FNBP4: variants seen among roughly 807,000 people sequenced by gnomAD.
FNBP4 encodes formin-binding protein 4.
A neutral mutation model predicts 119.3 loss-of-function variants in FNBP4; 34 were observed. That is an observed-to-expected ratio of 0.28 (90% confidence interval 0.22 to 0.38). The LOEUF (loss-of-function observed/expected upper bound fraction) is 0.38. FNBP4 is among the 10% of genes least tolerant of loss of function. The pLI is 1.00. For synonymous variants in FNBP4, 462 were observed against 430.6 expected (o/e 1.07, Z -0.90); for missense variants, 1,112 against 1,228.9 (o/e 0.90, Z 1.42).
chr11:47,765,498 A>T (rs1453700995), intron 1 of FNBP4, 136 bp from the exon 2 acceptor site: 1 of 459,450 alleles, frequency 2.2e-6, no homozygotes, highest in Non-Finnish European at 3.7e-6. Flanking sequence ...TCTAGATTCC[A>T]TCAATTTTTT....
intron 3 of FNBP4, 73 bp downstream of exon 3, chr11:47,754,455 T>TTA: frequency 6.7e-6 from 10 of 1,484,574 alleles, no homozygotes; most frequent in Non-Finnish European, 9.3e-6. Context: ...AACTGACAAG[T>TTA]ACGCTGACCA....
intron 12 of FNBP4, among the ~76,000 whole-genome samples, chr11:47,727,587 A>G (rs549330951): frequency 6.6e-6 from 1 of 152,190 alleles, no homozygotes; most frequent in Admixed American, 6.5e-5. Flanking sequence ...CTCACATACA[A>G]TGTGTCTCCC....
intron 9 of FNBP4, among the ~76,000 whole-genome samples, chr11:47,735,690 G>A (rs1303418749): frequency 1.3e-5 from 2 of 152,110 alleles, no homozygotes; most frequent in Non-Finnish European, 2.9e-5. Context: ...ACTTAAATAT[G>A]ATCTTTTCAC....
chr11:47,766,306 C>G (rs1430557353), intron 1 of FNBP4, among the ~76,000 whole-genome samples: 2 of 152,090 alleles, frequency 1.3e-5, no homozygotes, highest in African/African-American at 4.8e-5. Flanking sequence ...CAGATTGAGA[C>G]ATTGTCTCGA....
intron 13 of FNBP4, 122 bp from the exon 14 acceptor site, chr11:47,724,294 C>A: frequency 1.3e-6 from 2 of 1,509,192 alleles, no homozygotes; most frequent in Admixed American, 1.9e-5. Flanking sequence ...GAGATCATGA[C>A]TCATTGCAGC....
At position 47,754,652 on chromosome 11, in the gene FNBP4, A is replaced by G; in HGVS notation, c.326T>C (p.Leu109Ser). 2.5e-6 allele frequency: 4 copies of G among 1,613,912 alleles called. No individual in the cohort carries two copies. Among genetic ancestry groups the G allele is most frequent in the Non-Finnish European group, 3.4e-6 (4 of 1,179,982 alleles). Reference sequence around the variant, plus strand: ...ATCACTGTCAGCATAAGCACCAAGCAAGCATAGACCGCCTAGAAACAAAAA... The same window carrying G: ...ATCACTGTCAGCATAAGCACCAAGCGAGCATAGACCGCCTAGAAACAAAAA... The part of the protein sequence containing the change: ...TAVKATGGLC[L>S]LGAYADSDDD... Residue 109 changes from leucine (L) to serine (S), a missense_variant, in exon 3 of 17, where the codon TTG (leucine) becomes TCG (serine). Physicochemically the swap from Leu to Ser is moderately radical, Grantham distance 145. Transcript: ENST00000263773.
chr11:47,763,735 C>T (rs1371946933), intron 2 of FNBP4, among the ~76,000 whole-genome samples: 1 of 152,084 alleles, frequency 6.6e-6, no homozygotes, highest in East Asian at 1.9e-4. Context: ...CTCCTGACGT[C>T]ATTATCCACC....
In FNBP4 at chr11:47,736,657, C is replaced by T. The variant is rs763325627; in HGVS notation, c.1540G>A (p.Val514Ile). 1.9e-6 allele frequency: 3 copies of T among 1,604,734 alleles called. No individual in the cohort carries two copies. In the African/African-American group the frequency reaches 4.0e-5, roughly 22 times the overall value. ...TCTTCTACTTTTGGTGTTGTCTGTACTTTTATTTTCTCTGGAGATTCTTCT... is the reference window on the plus strand; with the variant it reads ...TCTTCTACTTTTGGTGTTGTCTGTATTTTTATTTTCTCTGGAGATTCTTCT... ...EVEESPEKIK[V>I]QTTPKVEEEQ... Residue 514 changes from valine to isoleucine, a missense_variant, in exon 9 of 17, where the codon GTA becomes ATA. This residue lies in a region of FNBP4 where 826 missense variants were observed against 988.8 expected (regional missense o/e 0.84). Coordinates refer to ENST00000263773, the MANE Select transcript of FNBP4 (RefSeq NM_015308.5).
chr11:47,754,128 G>C lies in FNBP4; in HGVS notation c.450+400C>G, dbSNP rs548051095. On this transcript the variant is annotated intron_variant, in intron 3 of 16. Transcript: ENST00000263773. Reference sequence around the variant, plus strand: ...CACATACCTGTAGCCTCAGCTACTTGAACCCAGGAGACAGGTTGCGGTGAG... The same window carrying C: ...CACATACCTGTAGCCTCAGCTACTTCAACCCAGGAGACAGGTTGCGGTGAG... 6.6e-5 allele frequency among the ~76,000 whole-genome samples: 10 copies of C among 151,620 alleles called. No homozygotes were observed. The East Asian group carries it at 1.9e-3, about 29-fold the overall frequency.
At chr11:47,726,510 T>C (rs542152154) in intron 12 of FNBP4, 3 of 150,844 alleles carry the variant, frequency 2.0e-5, no homozygotes, top group Admixed American at 1.3e-4. Flanking sequence ...AGACAATACA[T>C]TGTATAAAAG....
chr11:47,751,884 G>C, intron 4 of FNBP4, among the ~76,000 whole-genome samples: 1 of 151,838 alleles, frequency 6.6e-6, no homozygotes, highest in East Asian at 1.9e-4. Flanking sequence ...GGAGGCAAAG[G>C]CTGCGATGAG....
rs547807699 is a variant in FNBP4, at chr11:47,754,009, A to T, written c.450+519T>A. Among the ~76,000 whole-genome samples, 98 of 152,072 alleles carry T rather than the reference A, an allele frequency of 6.4e-4. 1 individual carries two copies. Among genetic ancestry groups the T allele is most frequent in the African/African-American group, 2.2e-3 (91 of 41,462 alleles). On this transcript the variant is annotated intron_variant, in intron 3 of 16. Coordinates refer to ENST00000263773, the MANE Select transcript of FNBP4 (RefSeq NM_015308.5). Reference sequence around the variant, plus strand: ...CACCTGAGGTCAGGAGTTTGAGACCAGCCTGGCCAACATGGTGAAACCCCG... The same window carrying T: ...CACCTGAGGTCAGGAGTTTGAGACCTGCCTGGCCAACATGGTGAAACCCCG...
chr11:47,761,213 T>C (rs2097633561), intron 2 of FNBP4, among the ~76,000 whole-genome samples: 1 of 152,050 alleles, frequency 6.6e-6, no homozygotes, highest in Non-Finnish European at 1.5e-5. Context: ...TCTCAGAAAA[T>C]ACAGTGTATA....
chr11:47,729,823 A>T, intron 12 of FNBP4: 1 of 985,418 alleles, frequency 1.0e-6, no homozygotes, highest in Non-Finnish European at 1.2e-6. Flanking sequence ...ATTGCTCTTA[A>T]ATCTCACAGA....
At chr11:47,766,938 C>T in intron 1 of FNBP4, 131 bp downstream of exon 1, 1 of 1,367,260 alleles carries the variant, frequency 7.3e-7, no homozygotes. Context: ...GCCGCCCCGC[C>T]TGCAGGCCCG....
Position 47,754,524 on chromosome 11 carries a change from T to G in FNBP4, c.450+4A>C. The G allele has an allele frequency of 6.2e-7, 1 of 1,612,790 alleles. No individual in the cohort carries two copies. The highest frequency in any genetic ancestry group is 1.1e-5 in the South Asian group (1 of 90,710). On this transcript the variant is annotated splice_donor_region_variant and intron_variant, in intron 3 of 16. Coordinates refer to ENST00000263773, the MANE Select transcript of FNBP4 (RefSeq NM_015308.5). ...CTAAAACTCCAAACGAAAGCACCAC[T>G]AACCGCTAGGAAGTTGGCCAATGTA...
At chr11:47,747,411 T>C (rs182351837) in intron 6 of FNBP4, among the ~76,000 whole-genome samples, 14 of 152,214 alleles carry the variant, frequency 9.2e-5, no homozygotes, top group African/African-American at 3.4e-4. Flanking sequence ...TTTCACCACG[T>C]TGGCCAGGCT....
At chr11:47,718,910 T>G (rs2097552344) in intron 16 of FNBP4, among the ~76,000 whole-genome samples, 1 of 151,270 alleles carries the variant, frequency 6.6e-6, no homozygotes, top group Non-Finnish European at 1.5e-5. Flanking sequence ...AACATGTTTT[T>G]TTTTTTTTTT....
chr11:47,753,331 C>T (rs1412760181), intron 3 of FNBP4, among the ~76,000 whole-genome samples: 1 of 152,110 alleles, frequency 6.6e-6, no homozygotes, highest in Non-Finnish European at 1.5e-5. Context: ...AAAAATTAGG[C>T]TGGGCACGGT....
Sources: allele counts gnomAD v4.1 joint callset (sites outside exome capture counted in the v4.1 genomes callset), GRCh38; gene constraint gnomAD v4.1.1; regional missense constraint gnomAD v4.1.1; transcripts MANE v1.5; gene names NCBI Gene and HGNC (gene_info 2026-07-23, HGNC 2026-07-21).